The following ZCCHC7 variants were observed in gnomAD, a reference collection of about 807,000 sequenced individuals.
ZCCHC7 encodes zinc finger CCHC domain-containing protein 7.
ZCCHC7 carries 35 observed loss-of-function variants against 52.0 expected under a neutral mutation model. The ratio of observed to expected loss-of-function variants is 0.67; its 90% CI spans 0.51 to 0.89. ZCCHC7 has a LOEUF of 0.89. Ranked by LOEUF, ZCCHC7 falls within the 40% of genes least tolerant of loss-of-function variation. The pLI is 0.00. For missense variants in ZCCHC7, 574 were observed against 649.1 expected (o/e 0.88, Z 1.26); for synonymous variants, 217 against 221.5 (o/e 0.98, Z 0.18).
At chr9:37,267,554 G>A (rs550176508) in intron 2 of ZCCHC7, among the ~76,000 whole-genome samples, 3 of 149,880 alleles carry the variant, frequency 2.0e-5, no homozygotes, top group African/African-American at 4.9e-5. Flanking sequence ...TACCATGCAC[G>A]GCTAATTTTT....
At chr9:37,179,597 A>G (rs1354237004) in intron 2 of ZCCHC7, among the ~76,000 whole-genome samples, 1 of 152,088 alleles carries the variant, frequency 6.6e-6, no homozygotes, top group Admixed American at 6.6e-5. Context: ...TACCTCTCTA[A>G]TTTCGAGGTT....
intron 2 of ZCCHC7, among the ~76,000 whole-genome samples, chr9:37,299,932 T>A (rs1185871971): frequency 6.6e-6 from 1 of 152,186 alleles, no homozygotes; most frequent in Non-Finnish European, 1.5e-5. Context: ...AAAAATGGAT[T>A]GAAAATACAG....
chr9:37,204,013 G>A (rs949235579), intron 2 of ZCCHC7, among the ~76,000 whole-genome samples: 3 of 152,202 alleles, frequency 2.0e-5, no homozygotes, highest in African/African-American at 7.2e-5. Context: ...ACTGGCATGA[G>A]ATGGTACCTC....
chr9:37,293,694 G>A (rs766368558), intron 2 of ZCCHC7, among the ~76,000 whole-genome samples: 1 of 152,054 alleles, frequency 6.6e-6, no homozygotes, highest in South Asian at 2.1e-4. Context: ...TTGTTTCTTA[G>A]TATGATTTGA....
chr9:37,164,441 TTAGATAGATAGATAGA>T (rs58626855), intron 2 of ZCCHC7, among the ~76,000 whole-genome samples: 3,598 of 139,492 alleles, frequency 0.026, 90 homozygotes, highest in East Asian at 0.068. Flanking sequence ...TGAGACTGTC[TTAGATAGATAGATAGA>T]TAGATAGATA....
chr9:37,196,181 C>T (rs1823275880), intron 2 of ZCCHC7, among the ~76,000 whole-genome samples: 1 of 152,116 alleles, frequency 6.6e-6, no homozygotes, highest in Non-Finnish European at 1.5e-5. Context: ...ATGATTTTGA[C>T]ACACTCAAAC....
intron 2 of ZCCHC7, among the ~76,000 whole-genome samples, chr9:37,199,161 G>T (rs1823453779): frequency 6.6e-6 from 1 of 151,962 alleles, no homozygotes; most frequent in Admixed American, 6.6e-5. Context: ...TTTTCATCAT[G>T]CTCTCCTGCC....
chr9:37,167,379 T>G (rs1253716217), intron 2 of ZCCHC7, among the ~76,000 whole-genome samples: 1 of 152,054 alleles, frequency 6.6e-6, no homozygotes, highest in Non-Finnish European at 1.5e-5. Context: ...CCACCATGCC[T>G]GGCCAAATAT....
At chr9:37,271,176 T>C (rs1827392349) in intron 2 of ZCCHC7, among the ~76,000 whole-genome samples, 1 of 152,242 alleles carries the variant, frequency 6.6e-6, no homozygotes, top group African/African-American at 2.4e-5. Context: ...CCTAGAAGTA[T>C]TCTTTCCAAA....
chr9:37,293,539 A>G (rs1828636316), intron 2 of ZCCHC7, among the ~76,000 whole-genome samples: 1 of 152,180 alleles, frequency 6.6e-6, no homozygotes, highest in Non-Finnish European at 1.5e-5. Context: ...GTAAATATAC[A>G]TATGGTATAT....
intron 1 of ZCCHC7, among the ~76,000 whole-genome samples, chr9:37,124,921 G>A (rs997158068): frequency 6.6e-5 from 10 of 152,086 alleles, no homozygotes; most frequent in African/African-American, 2.2e-4. Context: ...GCATGATCTC[G>A]ACTCACTGCA....
At chr9:37,131,537 T>C (rs1053967262) in intron 2 of ZCCHC7, among the ~76,000 whole-genome samples, 20 of 151,538 alleles carry the variant, frequency 1.3e-4, no homozygotes, top group Non-Finnish European at 2.5e-4. Flanking sequence ...CCCAGCTACT[T>C]GGGAGGCTGA....
At chr9:37,342,189 C>G (rs1289959248) in intron 6 of ZCCHC7, among the ~76,000 whole-genome samples, 1 of 152,014 alleles carries the variant, frequency 6.6e-6, no homozygotes, top group African/African-American at 2.4e-5. Context: ...ATTTGCAGAG[C>G]CAACAAGCTT....
intron 2 of ZCCHC7, among the ~76,000 whole-genome samples, chr9:37,227,281 T>G (rs1478850747): frequency 6.6e-6 from 1 of 152,050 alleles, no homozygotes; most frequent in African/African-American, 2.4e-5. Context: ...AGATGAACAA[T>G]CCAAGTAAAC....
chr9:37,122,914 G>C (rs1171412316), intron 1 of ZCCHC7, among the ~76,000 whole-genome samples: 1 of 152,236 alleles, frequency 6.6e-6, no homozygotes, highest in Non-Finnish European at 1.5e-5. Context: ...TCTCACCTGG[G>C]GGACAGAACG....
chr9:37,267,159 G>A (rs781723599), intron 2 of ZCCHC7, among the ~76,000 whole-genome samples: 20 of 152,068 alleles, frequency 1.3e-4, no homozygotes, highest in South Asian at 8.3e-4. Context: ...AAGATAATTA[G>A]TATAATATAA....
At chr9:37,125,268 A>G (rs1227049138) in intron 1 of ZCCHC7, among the ~76,000 whole-genome samples, 1 of 151,462 alleles carries the variant, frequency 6.6e-6, no homozygotes, top group East Asian at 1.9e-4. Flanking sequence ...TCCCACCTCA[A>G]CCTCCTGAGT....
intron 2 of ZCCHC7, among the ~76,000 whole-genome samples, chr9:37,265,079 A>G (rs1017543109): frequency 1.3e-5 from 2 of 152,196 alleles, no homozygotes; most frequent in Non-Finnish European, 2.9e-5. Context: ...CCTCCTGGTT[A>G]AGAACTACAT....
At chr9:37,208,445 A>T (rs1824039501) in intron 2 of ZCCHC7, among the ~76,000 whole-genome samples, 1 of 152,170 alleles carries the variant, frequency 6.6e-6, no homozygotes, top group Non-Finnish European at 1.5e-5. Flanking sequence ...TCTCACTTCT[A>T]GCTTTAATAG....
Sources: allele counts gnomAD v4.1 joint callset (sites outside exome capture counted in the v4.1 genomes callset), GRCh38; gene constraint gnomAD v4.1.1; transcripts MANE v1.5; gene names NCBI Gene and HGNC (gene_info 2026-07-23, HGNC 2026-07-21).